CREBZF: variants seen among roughly 807,000 people sequenced by gnomAD.
CREBZF encodes HCF-binding transcription factor Zhangfei.
A neutral mutation model predicts 21.1 loss-of-function variants in CREBZF; 8 were observed. The ratio of observed to expected loss-of-function variants is 0.38; its 90% CI spans 0.22 to 0.68. The LOEUF (loss-of-function observed/expected upper bound fraction) is 0.68, where lower values mean the gene tolerates loss of function less well. Ranked by LOEUF, CREBZF falls within the 30% of genes least tolerant of loss-of-function variation. The pLI is 0.51. For missense variants in CREBZF, 518 were observed against 484.3 expected (o/e 1.07, Z -0.65); for synonymous variants, 270 against 223.3 (o/e 1.21, Z -1.86).
intron 1 of CREBZF, among the ~76,000 whole-genome samples, chr11:85,672,863 G>A (rs1387949602): frequency 6.6e-6 from 1 of 152,138 alleles, no homozygotes; most frequent in Non-Finnish European, 1.5e-5. Context: ...GAGAGGACGA[G>A]ACAAAAATCA....
chr11:85,675,438 C>T (rs1020411639), intron 1 of CREBZF, among the ~76,000 whole-genome samples: 1 of 152,148 alleles, frequency 6.6e-6, no homozygotes, highest in African/African-American at 2.4e-5. Flanking sequence ...AATGGCCAGT[C>T]AGTGGCACTC....
rs1203885612 is a variant in CREBZF, at chr11:85,660,833, T to A, written c.*2978A>T. On this transcript the variant is annotated 3_prime_UTR_variant, in exon 1 of 1. Transcript: ENST00000527447. Reference sequence around the variant, plus strand: ...ATTAATGTATGAACTCCTGCCACCATCAAAAGACAAATATTAAAAAGCTAC... The same window carrying A: ...ATTAATGTATGAACTCCTGCCACCAACAAAAGACAAATATTAAAAAGCTAC... The A allele has an allele frequency of 4.5e-6, 1 of 222,342 alleles. No homozygotes were observed. The highest frequency in any genetic ancestry group is 1.5e-4 in the East Asian group (1 of 6,526). 13.8% of individuals were successfully genotyped at this position (222,342 alleles called of 1,614,324 possible). A position where few individuals can be genotyped will look rare whatever the true frequency, so the allele number is the denominator to read the frequency against.
upstream of CREBZF, among the ~76,000 whole-genome samples, chr11:85,666,429 C>T (rs1314460538): frequency 6.6e-6 from 1 of 152,202 alleles, no homozygotes; most frequent in Non-Finnish European, 1.5e-5. Flanking sequence ...CAATATCTTA[C>T]TCAGTTGTTT....
chr11:85,664,670 C>A lies in CREBZF; in HGVS notation c.206G>T (p.Ser69Ile), dbSNP rs1236455148. ...CGCGCGCACGGCCACGCCGCCGCGG[C>A]TCCCCCTCCCGGCTTCCAACTCTCC... The part of the protein sequence containing the change: ...DEGELEAGRG[S>I]RGGVAVRAPS... The change falls in exon 1 of 1, where the codon AGC (serine) becomes ATC (isoleucine). Residue 69 changes from serine to isoleucine, a missense_variant. Coordinates refer to ENST00000527447, the MANE Select transcript of CREBZF (RefSeq NM_001039618.4). The surrounding 1 kb of genome is among the most constrained non-coding windows in gnomAD (Gnocchi z 5.5). 6.2e-7 allele frequency: 1 copy of A among 1,602,804 alleles called. No homozygotes were observed. Among genetic ancestry groups the A allele is most frequent in the Non-Finnish European group, 8.5e-7 (1 of 1,174,430 alleles).
rs2082824637 is a variant in CREBZF, at chr11:85,664,927, C to T, written c.-52G>A. On this transcript the variant is annotated 5_prime_UTR_variant, in exon 1 of 1. It adds an upstream start codon to the 5' untranslated region. Coordinates refer to ENST00000527447, the MANE Select transcript of CREBZF (RefSeq NM_001039618.4). The surrounding 1 kb of genome is among the most constrained non-coding windows in gnomAD (Gnocchi z 5.5). ...CCCCGGCCGCTAAGAGTGGGCCTCA[C>T]GGGCCCCAAGGATCCCAGGCCCCAG... 5.3e-6 allele frequency: 7 copies of T among 1,309,064 alleles called. No individual in the cohort carries two copies. The highest frequency in any genetic ancestry group is 3.4e-5 in the Admixed American group (1 of 29,588). 81.1% of individuals were successfully genotyped at this position (1,309,064 alleles called of 1,614,324 possible).
At position 85,660,507 on chromosome 11, in the gene CREBZF, A is replaced by G; in HGVS notation, c.*3304T>C. ...TTTTTCAGCAGATGCCAAATTTTTG[A>G]CCGACATGGTTCTCACAATTACTTT... is the stretch of plus-strand genomic sequence containing the variant. On this transcript the variant is annotated 3_prime_UTR_variant, in exon 1 of 1. Transcript: ENST00000527447. 1 of 416,304 alleles carries G rather than the reference A, an allele frequency of 2.4e-6. No homozygotes were observed. Among genetic ancestry groups the G allele is most frequent in the East Asian group, 7.5e-5 (1 of 13,330 alleles). 25.8% of individuals were successfully genotyped at this position (416,304 alleles called of 1,614,324 possible).
In CREBZF at chr11:85,664,509, CGGGGTCCAGGTGCCAGTCCGGTTGCCT is replaced by C. The variant is rs2082795946; in HGVS notation, c.340_366del (p.Arg114_Pro122del). On this transcript the variant is annotated inframe_deletion, in exon 1 of 1. Transcript: ENST00000527447. The surrounding 1 kb of genome is among the most constrained non-coding windows in gnomAD (Gnocchi z 5.5). ...GAGAGAGGCCCCGGCGAGCTAAGCC[CGGGGTCCAGGTGCCAGTCCGGTTGCCT>C]GGGGTCCAGGAGATCCGCCAGTTCC... 6.2e-7 allele frequency: 1 copy of C among 1,613,680 alleles called. No individual in the cohort carries two copies. The highest frequency in any genetic ancestry group is 8.5e-7 in the Non-Finnish European group (1 of 1,179,932).
chr11:85,679,455 A>C (rs535895429), intron 1 of CREBZF, among the ~76,000 whole-genome samples: 18 of 152,256 alleles, frequency 1.2e-4, no homozygotes, highest in Non-Finnish European at 2.2e-4. Flanking sequence ...TCAGTGAATG[A>C]GTTAGCAATT....
At chr11:85,678,890 T>C (rs2082958091) in intron 1 of CREBZF, among the ~76,000 whole-genome samples, 2 of 152,234 alleles carry the variant, frequency 1.3e-5, no homozygotes, top group Non-Finnish European at 2.9e-5. Context: ...GCTGGTTTGC[T>C]GATCATAGAT....
chr11:85,664,186 C>T lies in CREBZF; in HGVS notation c.690G>A (p.Met230Ile). The T allele has an allele frequency of 2.5e-6, 4 of 1,613,470 alleles. No individual in the cohort carries two copies. The highest frequency in any genetic ancestry group is 3.4e-6 in the Non-Finnish European group (4 of 1,180,010). ...LNRLKKKEYV[M>I]GLESRVRGLA... ...GACCCCGGACTCGACTCTCCAGCCC[C>T]ATCACGTACTCCTTCTTCTTCAGTC... Residue 230 changes from methionine (M) to isoleucine (I), a missense_variant, in exon 1 of 1, where the codon ATG becomes ATA. Met to Ile is a conservative substitution (Grantham distance 10). Coordinates refer to ENST00000527447, the MANE Select transcript of CREBZF (RefSeq NM_001039618.4). The surrounding 1 kb of genome is among the most constrained non-coding windows in gnomAD (Gnocchi z 5.5).
chr11:85,664,919 G>T lies in CREBZF; in HGVS notation c.-44C>A. 1 of 1,336,874 alleles carries T rather than the reference G, an allele frequency of 7.5e-7. No homozygotes were observed. The allele number at this position is 1,336,874 out of a possible 1,614,324, so 82.8% of individuals were successfully genotyped here. ...GCGGTAGGCCCCGGCCGCTAAGAGT[G>T]GGCCTCACGGGCCCCAAGGATCCCA... is the stretch of plus-strand genomic sequence containing the variant. On this transcript the variant is annotated 5_prime_UTR_variant, in exon 1 of 1. Transcript: ENST00000527447. This position sits in a 1 kb window ranked among gnomAD's most constrained non-coding sequence, Gnocchi z 5.5.
chr11:85,681,448 A>T (rs1190960780), intron 1 of CREBZF, among the ~76,000 whole-genome samples: 1 of 152,266 alleles, frequency 6.6e-6, no homozygotes, highest in Non-Finnish European at 1.5e-5. Flanking sequence ...AAGCAGAGTC[A>T]GTATTCTGAA....
At chr11:85,674,904 G>T in intron 1 of CREBZF, among the ~76,000 whole-genome samples, 1 of 152,102 alleles carries the variant, frequency 6.6e-6, no homozygotes, top group East Asian at 1.9e-4. Context: ...CTCTCCTTCA[G>T]AATACCCAAA....
chr11:85,674,496 G>C (rs1245116425), intron 1 of CREBZF, among the ~76,000 whole-genome samples: 1 of 152,168 alleles, frequency 6.6e-6, no homozygotes, highest in Non-Finnish European at 1.5e-5. Flanking sequence ...AGTAGATTTA[G>C]CATAATTCTT....
At position 85,660,609 on chromosome 11, in the gene CREBZF, GAA is replaced by G. The variant is rs2082646476; in HGVS notation, c.*3200_*3201del. On this transcript the variant is annotated 3_prime_UTR_variant, in exon 1 of 1. Transcript: ENST00000527447. ...CAGACACTGCTAAGCTGTTCAAAGA[GAA>G]GAGAGAGAGATTAATTTAGTGATTA... 1 of 453,550 alleles carries G rather than the reference GAA, an allele frequency of 2.2e-6. No individual in the cohort carries two copies. The highest frequency in any genetic ancestry group is 4.4e-6 in the Non-Finnish European group (1 of 225,808). The allele number at this position is 453,550 out of a possible 1,614,324, so 28.1% of individuals were successfully genotyped here.
At chr11:85,679,148 G>T (rs1160418953) in intron 1 of CREBZF, among the ~76,000 whole-genome samples, 1 of 152,190 alleles carries the variant, frequency 6.6e-6, no homozygotes, top group African/African-American at 2.4e-5. Flanking sequence ...GTACTGTGAA[G>T]CTTTCGAAGC....
upstream of CREBZF, among the ~76,000 whole-genome samples, chr11:85,667,425 T>C (rs186548968): frequency 9.2e-5 from 14 of 152,210 alleles, no homozygotes; most frequent in South Asian, 2.1e-4. Flanking sequence ...ACATGACCAA[T>C]TGACATCTAA....
rs1387407968 is a variant in CREBZF, at chr11:85,663,991, G to A, written c.885C>T (p.Leu295=). The change falls in exon 1 of 1, where the codon CTC becomes CTT. Residue 295 remains leucine (L), a synonymous_variant. Transcript: ENST00000527447. ...GGTCACCGGCGGGCGAGTCTCTGAA[G>A]AGCGAGGTGGTCAGCCGCAGTCCCA... is the stretch of plus-strand genomic sequence containing the variant. The part of the protein sequence containing the change: ...SGVGLRLTTS[L]FRDSPAGDHD... 4 of 1,612,928 alleles carry A rather than the reference G, an allele frequency of 2.5e-6. No individual in the cohort carries two copies. The highest frequency in any genetic ancestry group is 3.4e-6 in the Non-Finnish European group (4 of 1,179,942).
rs535033960 is a variant in CREBZF, at chr11:85,664,756, C to T, written c.120G>A (p.Ala40=). Residue 40 remains alanine (A), a synonymous_variant, in exon 1 of 1, where the codon GCG becomes GCA. Coordinates refer to ENST00000527447, the MANE Select transcript of CREBZF (RefSeq NM_001039618.4). The surrounding 1 kb of genome is among the most constrained non-coding windows in gnomAD (Gnocchi z 5.5). Reference sequence around the variant, plus strand: ...CGGCCGCCGCCGTCTCCTCCTCCCCCGCTGCAGCCCGGGTCAGGTCAGAGG... The same window carrying T: ...CGGCCGCCGCCGTCTCCTCCTCCCCTGCTGCAGCCCGGGTCAGGTCAGAGG... ...SLPSDLTRAA[A]GEEETAAAGS... The T allele has an allele frequency of 1.3e-4, 203 of 1,608,166 alleles. No homozygotes were observed. The highest frequency in any genetic ancestry group is 1.7e-4 in the Non-Finnish European group (195 of 1,178,488).
Sources: allele counts gnomAD v4.1 joint callset (sites outside exome capture counted in the v4.1 genomes callset), GRCh38; gene constraint gnomAD v4.1.1; non-coding constraint Gnocchi (gnomAD v3.1); transcripts MANE v1.5; gene names NCBI Gene and HGNC (gene_info 2026-07-23, HGNC 2026-07-21).